Variants in ROR1 observed in about 807,000 individuals in gnomAD.
The protein encoded by ROR1 is inactive tyrosine-protein kinase transmembrane receptor ROR1.
Under a neutral mutation model 78.8 loss-of-function variants are expected in ROR1, and 19 were observed. The ratio of observed to expected loss-of-function variants is 0.24; its 90% confidence interval spans 0.17 to 0.35. The LOEUF is 0.35. Among genes scored for constraint, ROR1 ranks in the 10% least tolerant of loss-of-function variants. The pLI is 1.00. For synonymous variants in ROR1, 386 were observed against 433.6 expected (o/e 0.89, Z 1.36); for missense variants, 917 against 1,177.8 (o/e 0.78, Z 3.24).
intron 1 of ROR1, among the ~76,000 whole-genome samples, chr1:63,830,651 G>A (rs913085074): frequency 2.6e-5 from 4 of 152,104 alleles, no homozygotes; most frequent in Admixed American, 6.5e-5. Context: ...TTTGGGTGGG[G>A]ACACAGAACC....
intron 1 of ROR1, among the ~76,000 whole-genome samples, chr1:63,818,536 C>T (rs1387288959): frequency 6.6e-6 from 1 of 152,130 alleles, no homozygotes; most frequent in Admixed American, 6.5e-5. Flanking sequence ...CCTTCTGTTC[C>T]TTTGATTGAT....
chr1:63,784,943 A>C (rs978222714), intron 1 of ROR1, among the ~76,000 whole-genome samples: 4 of 152,246 alleles, frequency 2.6e-5, no homozygotes, highest in Non-Finnish European at 5.9e-5. Context: ...GTTATCTCTG[A>C]CACGGACTTT....
At chr1:63,977,956 A>G (rs532409647) in intron 1 of ROR1, among the ~76,000 whole-genome samples, 1 of 152,240 alleles carries the variant, frequency 6.6e-6, no homozygotes, top group African/African-American at 2.4e-5. Flanking sequence ...GAAACTGCCA[A>G]TTTTGTTGAT....
chr1:63,934,594 C>T (rs957217234), intron 1 of ROR1, among the ~76,000 whole-genome samples: 9 of 152,156 alleles, frequency 5.9e-5, no homozygotes, highest in African/African-American at 1.9e-4. Context: ...ATTCTTACCC[C>T]GTGACTTGGA....
chr1:64,128,190 C>A lies in ROR1; in HGVS notation c.483-9179C>A, dbSNP rs527299768. Among the ~76,000 whole-genome samples, 4 of 148,088 alleles carry A rather than the reference C, an allele frequency of 2.7e-5. No individual in the cohort carries two copies. In the South Asian group the frequency reaches 6.4e-4, roughly 24 times the overall value. On this transcript the variant is annotated intron_variant, in intron 4 of 8. Transcript: ENST00000371079. ...CATGGGGAGGCCAGGTATGGTGGCT[C>A]ATGCCTGTAATCTCAGCACTTAGGG...
At chr1:63,809,577 T>C (rs1644848396) in intron 1 of ROR1, among the ~76,000 whole-genome samples, 1 of 152,224 alleles carries the variant, frequency 6.6e-6, no homozygotes, top group African/African-American at 2.4e-5. Context: ...CTTTTCTCTG[T>C]CTAGGGGAGA....
chr1:63,925,785 T>C (rs1275205745), intron 1 of ROR1, among the ~76,000 whole-genome samples: 1 of 151,122 alleles, frequency 6.6e-6, no homozygotes, highest in East Asian at 1.9e-4. Context: ...CATTTTTTCA[T>C]GTGTTTTTTG....
At chr1:63,900,445 C>T (rs1431034596) in intron 1 of ROR1, among the ~76,000 whole-genome samples, 2 of 105,254 alleles carry the variant, frequency 1.9e-5, no homozygotes, top group Non-Finnish European at 4.0e-5. Context: ...CAGAGTGAGA[C>T]TCCATCTCAA....
intron 4 of ROR1, among the ~76,000 whole-genome samples, chr1:64,085,891 A>G (rs948484051): frequency 1.3e-5 from 2 of 152,166 alleles, no homozygotes; most frequent in Non-Finnish European, 2.9e-5. Context: ...TTAATTGTCG[A>G]TTTCTGAATG....
chr1:63,928,888 A>T (rs890741183), intron 1 of ROR1, among the ~76,000 whole-genome samples: 1 of 152,132 alleles, frequency 6.6e-6, no homozygotes, highest in Admixed American at 6.5e-5. Flanking sequence ...ACTGCTCTTT[A>T]CCTTATCCTA....
intron 1 of ROR1, among the ~76,000 whole-genome samples, chr1:63,906,827 C>A (rs770918364): frequency 3.9e-5 from 6 of 152,142 alleles, no homozygotes; most frequent in South Asian, 2.1e-4. Context: ...ATCCAAAGAC[C>A]CTCTTTTGTT....
intron 1 of ROR1, among the ~76,000 whole-genome samples, chr1:63,917,421 T>C (rs918611095): frequency 6.6e-6 from 1 of 152,182 alleles, no homozygotes; most frequent in African/African-American, 2.4e-5. Context: ...TGGCATATAC[T>C]TTAAAATTTT....
chr1:64,110,712 G>T (rs1648058180), intron 4 of ROR1: 2 of 152,030 alleles, frequency 1.3e-5, no homozygotes, highest in Admixed American at 1.3e-4. Flanking sequence ...GGAAACCAAG[G>T]CCAGGAAGTT....
intron 4 of ROR1, chr1:64,108,327 G>A (rs753917308): frequency 1.5e-5 from 2 of 135,738 alleles, no homozygotes; most frequent in Non-Finnish European, 3.1e-5. Flanking sequence ...AACCTGGGAG[G>A]CAGAGGTTGC....
chr1:63,986,808 G>A (rs938484596), intron 1 of ROR1, among the ~76,000 whole-genome samples: 2 of 151,556 alleles, frequency 1.3e-5, no homozygotes, highest in African/African-American at 4.8e-5. Flanking sequence ...AAGGCAGGAG[G>A]ATCACTTGAG....
chr1:64,041,654 A>G (rs1256038033), intron 2 of ROR1, among the ~76,000 whole-genome samples: 2 of 152,190 alleles, frequency 1.3e-5, no homozygotes, highest in African/African-American at 4.8e-5. Context: ...AAGGAGGCAC[A>G]TTATTGGCCA....
intron 8 of ROR1, among the ~76,000 whole-genome samples, chr1:64,163,222 A>AAC (rs57880828): frequency 0.012 from 1,613 of 137,716 alleles, 21 homozygotes; most frequent in Middle Eastern, 0.057. Context: ...CATCTCTACA[A>AAC]ACACACACAC....
At chr1:63,812,240 C>T (rs114312757) in intron 1 of ROR1, among the ~76,000 whole-genome samples, 242 of 152,268 alleles carry the variant, frequency 1.6e-3, no homozygotes, top group African/African-American at 5.6e-3. Context: ...AGTTCGCTAA[C>T]CAAGGCCTGC....
chr1:63,843,788 T>C, intron 1 of ROR1: 1 of 381,438 alleles, frequency 2.6e-6, no homozygotes, highest in Non-Finnish European at 5.2e-6. Flanking sequence ...CTTTGCACCA[T>C]TAGATCAGGC....
Sources: gnomAD v4.1 joint callset for allele counts (sites outside exome capture counted in the v4.1 genomes callset) on GRCh38, gnomAD v4.1.1 for gene constraint, MANE v1.5 for transcripts, NCBI Gene and HGNC (gene_info 2026-07-23, HGNC 2026-07-21) for gene names.